The following MOB3B variants were observed in gnomAD, a reference collection of about 807,000 sequenced individuals.
MOB3B encodes MOB kinase activator-like 2B.
Under a neutral mutation model 18.7 loss-of-function variants are expected in MOB3B, and 7 were observed. That is an observed-to-expected ratio of 0.37 (90% CI 0.21 to 0.70). MOB3B has a LOEUF of 0.70. Among genes scored for constraint, MOB3B ranks in the 30% least tolerant of loss-of-function variants. The probability of loss-of-function intolerance (pLI) is 0.52; values close to 1 mark genes in which losing one functional copy is unlikely to be tolerated. For missense variants in MOB3B, 253 were observed against 281.3 expected (o/e 0.90, Z 0.72); for synonymous variants, 111 against 99.9 (o/e 1.11, Z -0.66).
chr9:27,347,396 C>T (rs941683611), intron 3 of MOB3B, among the ~76,000 whole-genome samples: 1 of 152,256 alleles, frequency 6.6e-6, no homozygotes, highest in Non-Finnish European at 1.5e-5. Context: ...CCAAGCCTGG[C>T]CTATCACTGT....
chr9:27,406,615 G>A (rs1013439166), intron 2 of MOB3B, among the ~76,000 whole-genome samples: 2 of 152,094 alleles, frequency 1.3e-5, no homozygotes, highest in African/African-American at 4.8e-5. Context: ...TTCAACAAAG[G>A]TGCCAAGAAC....
rs1192963638 is a variant in MOB3B at position 27,327,538 on chromosome 9, A to G, written c.*3049T>C. On this transcript the variant is annotated 3_prime_UTR_variant, in exon 4 of 4. Coordinates refer to ENST00000262244, the MANE Select transcript of MOB3B (RefSeq NM_024761.5). ...TGAACTCTTTAATAATGTCAGTGTCATGAAAGACACACCACACACACACAC... is the reference window on the plus strand; with the variant it reads ...TGAACTCTTTAATAATGTCAGTGTCGTGAAAGACACACCACACACACACAC... 2 of 152,014 alleles carry G rather than the reference A, an allele frequency of 1.3e-5. No individual in the cohort carries two copies. The highest frequency in any genetic ancestry group is 2.9e-5 in the Non-Finnish European group (2 of 68,016). The allele number at this position is 152,014 out of a possible 1,614,324, so 9.4% of individuals were successfully genotyped here.
At chr9:27,415,878 T>C (rs1822138850) in intron 2 of MOB3B, among the ~76,000 whole-genome samples, 1 of 152,242 alleles carries the variant, frequency 6.6e-6, no homozygotes, top group Non-Finnish European at 1.5e-5. Flanking sequence ...GTGGATTTTA[T>C]CACTCATATA....
chr9:27,402,802 C>T (rs1821905203), intron 2 of MOB3B, among the ~76,000 whole-genome samples: 1 of 152,204 alleles, frequency 6.6e-6, no homozygotes, highest in Admixed American at 6.5e-5. Context: ...TGAACTGCAG[C>T]CTGCCAAGCC....
chr9:27,474,513 A>G (rs1416957886), intron 1 of MOB3B, among the ~76,000 whole-genome samples: 1 of 152,184 alleles, frequency 6.6e-6, no homozygotes, highest in African/African-American at 2.4e-5. Flanking sequence ...ACATTTTTTA[A>G]TGGCATAATC....
intron 1 of MOB3B, among the ~76,000 whole-genome samples, chr9:27,516,486 A>G (rs1050047740): frequency 6.6e-6 from 1 of 152,220 alleles, no homozygotes; most frequent in East Asian, 1.9e-4. Flanking sequence ...AATCACATCA[A>G]CAGGAGGGCA....
chr9:27,480,204 G>A (rs1819626725), intron 1 of MOB3B, among the ~76,000 whole-genome samples: 1 of 152,038 alleles, frequency 6.6e-6, no homozygotes, highest in African/African-American at 2.4e-5. Context: ...CCAGGCTGGA[G>A]TGTGGCGCAA....
chr9:27,415,756 C>T (rs944173708), intron 2 of MOB3B, among the ~76,000 whole-genome samples: 1 of 152,142 alleles, frequency 6.6e-6, no homozygotes, highest in African/African-American at 2.4e-5. Context: ...GATCTAAAAA[C>T]AACTGCATCC....
chr9:27,390,075 T>C (rs1821705634), intron 2 of MOB3B, among the ~76,000 whole-genome samples: 1 of 152,158 alleles, frequency 6.6e-6, no homozygotes, highest in South Asian at 2.1e-4. Flanking sequence ...ATAAAATATA[T>C]ATGTGTGTAT....
At chr9:27,337,708 T>C (rs1820884191) in intron 3 of MOB3B, among the ~76,000 whole-genome samples, 1 of 152,198 alleles carries the variant, frequency 6.6e-6, no homozygotes, top group South Asian at 2.1e-4. Context: ...TGAAATCCTC[T>C]TGGACTGTAG....
chr9:27,522,127 A>G (rs1820341882), intron 1 of MOB3B, among the ~76,000 whole-genome samples: 2 of 150,764 alleles, frequency 1.3e-5, no homozygotes, highest in Non-Finnish European at 3.0e-5. Flanking sequence ...CTGTAATCCC[A>G]GCTACTTGTG....
At chr9:27,395,837 G>C (rs1821789864) in intron 2 of MOB3B, among the ~76,000 whole-genome samples, 1 of 150,770 alleles carries the variant, frequency 6.6e-6, no homozygotes, top group African/African-American at 2.4e-5. Flanking sequence ...CTCCTCAGTG[G>C]CATCTACACA....
intron 2 of MOB3B, among the ~76,000 whole-genome samples, chr9:27,406,851 T>C (rs564676503): frequency 2.6e-5 from 4 of 152,254 alleles, no homozygotes; most frequent in African/African-American, 7.2e-5. Flanking sequence ...TTTTCTTTTT[T>C]TTTTTTAGAT....
chr9:27,455,546 G>A lies in MOB3B; in HGVS notation c.5C>T (p.Ser2Phe). Residue 2 changes from serine to phenylalanine, a missense_variant, in exon 2 of 4, where the codon TCC (serine) becomes TTC (phenylalanine). Ser to Phe is a radical substitution (Grantham distance 155). Coordinates refer to ENST00000262244, the MANE Select transcript of MOB3B (RefSeq NM_024761.5). Reference protein sequence around the residue: MSIALKQVFNKD... With the variant: MFIALKQVFNKD... ...GTTGAATACCTGCTTCAGGGCTATG[G>A]ACATGGTCTTCTCTTTCGCTTCCTT... 6.2e-7 allele frequency: 1 copy of A among 1,614,142 alleles called. No homozygotes were observed.
At chr9:27,347,031 A>G (rs928401771) in intron 3 of MOB3B, among the ~76,000 whole-genome samples, 9 of 152,208 alleles carry the variant, frequency 5.9e-5, no homozygotes, top group African/African-American at 1.4e-4. Flanking sequence ...ATACTATTAG[A>G]AATAAACAAA....
intron 3 of MOB3B, among the ~76,000 whole-genome samples, chr9:27,335,036 A>T (rs1347602537): frequency 6.6e-6 from 1 of 152,078 alleles, no homozygotes; most frequent in African/African-American, 2.4e-5. Flanking sequence ...CGATCTCCTG[A>T]CCTCGTGATC....
Position 27,405,139 on chromosome 9 carries a change from G to T in MOB3B, c.419-45903C>A, listed in dbSNP as rs187567779. ...TTTTTTTTTTTTGAGACAGAGTCTT[G>T]CTCTGTCGCCCAGGCTGGAGTGCAG... On this transcript the variant is annotated intron_variant, in intron 2 of 3. Transcript: ENST00000262244. Among the ~76,000 whole-genome samples the T allele has an allele frequency of 8.9e-3, 904 of 101,412 alleles. 21 individuals are homozygous for T. Among genetic ancestry groups the T allele is most frequent in the African/African-American group, 0.032 (835 of 25,758 alleles). The allele number at this position is 101,412 out of a possible 152,430, so 66.5% of individuals were successfully genotyped here. A position where few individuals can be genotyped will look rare whatever the true frequency, so the allele number is the denominator to read the frequency against.
chr9:27,504,080 G>T lies in MOB3B; in HGVS notation c.-199+25475C>A, dbSNP rs541079298. Among the ~76,000 whole-genome samples, 3 of 152,308 alleles carry T rather than the reference G, an allele frequency of 2.0e-5. No individual in the cohort carries two copies. In the East Asian group the frequency reaches 5.8e-4, roughly 29 times the overall value. ...AGTGAGATTCCTGGATAACTGAACTGTGACCATCAGACACAAAGTACAAAT... is the reference window on the plus strand; with the variant it reads ...AGTGAGATTCCTGGATAACTGAACTTTGACCATCAGACACAAAGTACAAAT... On this transcript the variant is annotated intron_variant, in intron 1 of 3. Coordinates refer to ENST00000262244, the MANE Select transcript of MOB3B (RefSeq NM_024761.5).
intron 2 of MOB3B, among the ~76,000 whole-genome samples, chr9:27,388,698 C>T (rs1363735861): frequency 6.6e-6 from 1 of 152,082 alleles, no homozygotes; most frequent in South Asian, 2.1e-4. Flanking sequence ...TCAAATTTAA[C>T]CTGTCTAACA....
Sources: allele counts gnomAD v4.1 joint callset (sites outside exome capture counted in the v4.1 genomes callset), GRCh38; gene constraint gnomAD v4.1.1; transcripts MANE v1.5; gene names NCBI Gene and HGNC (gene_info 2026-07-23, HGNC 2026-07-21).